SETD6: variants seen among roughly 807,000 people sequenced by gnomAD.
SETD6 encodes the protein N-lysine methyltransferase SETD6.
Under a neutral mutation model 52.7 loss-of-function variants are expected in SETD6, and 67 were observed. The observed-to-expected ratio is 1.27, with a 90% CI of 1.04 to 1.56. The LOEUF is 1.56. SETD6 is among the 40% of genes most tolerant of loss of function. The pLI is 0.00. For synonymous variants in SETD6, 307 were observed against 250.2 expected (o/e 1.23, Z -2.14); for missense variants, 712 against 607.5 (o/e 1.17, Z -1.81).
chr16:58,516,185 A>G lies in SETD6; in HGVS notation c.335-17A>G, dbSNP rs766858636. ...CGCGAGGCCGCGCCGGGGCGCTCAC[A>G]CCTGTGTCTTCCTCAGAGCGAGTTG... On this transcript the variant is annotated splice_polypyrimidine_tract_variant and intron_variant, in intron 2 of 7. Coordinates refer to ENST00000219315, the MANE Select transcript of SETD6 (RefSeq NM_001160305.4). 1.9e-6 allele frequency: 3 copies of G among 1,547,892 alleles called. No homozygotes were observed. Among genetic ancestry groups the G allele is most frequent in the South Asian group, 1.2e-5 (1 of 84,946 alleles).
chr16:58,515,915 G>T lies in SETD6; in HGVS notation c.152G>T (p.Gly51Val). The T allele has an allele frequency of 6.7e-7, 1 of 1,503,020 alleles. No individual in the cohort carries two copies. 93.1% of individuals were successfully genotyped at this position (1,503,020 alleles called of 1,614,324 possible). Reference protein sequence around the residue: ...SERAGGRRTRGGARAALTSPP... With the variant: ...SERAGGRRTRVGARAALTSPP... ...CGAGCCGGCGGGCGGAGGACCCGCG[G>T]CGGGGCGCGGGCTGCCCTGACCAGC... is the stretch of plus-strand genomic sequence containing the variant. Residue 51 changes from glycine to valine, a missense_variant, in exon 2 of 8, where the codon GGC becomes GTC. Gly to Val is a moderately radical substitution (Grantham distance 109, BLOSUM62 -3). Coordinates refer to ENST00000219315, the MANE Select transcript of SETD6 (RefSeq NM_001160305.4).
chr16:58,516,106 G>C lies in SETD6; in HGVS notation c.334+9G>C, dbSNP rs1374303791. On this transcript the variant is annotated intron_variant, in intron 2 of 7. Coordinates refer to ENST00000219315, the MANE Select transcript of SETD6 (RefSeq NM_001160305.4). Reference sequence around the variant, plus strand: ...CGGCCTGCTGGAGCGAGGTGGGCACGGCGGCGGGCTAGGGCCCTGGGGCGG... The same window carrying C: ...CGGCCTGCTGGAGCGAGGTGGGCACCGCGGCGGGCTAGGGCCCTGGGGCGG... The C allele has an allele frequency of 3.8e-6, 5 of 1,332,636 alleles. No homozygotes were observed. Among genetic ancestry groups the C allele is most frequent in the Admixed American group, 3.4e-5 (1 of 29,146 alleles). 82.6% of individuals were successfully genotyped at this position (1,332,636 alleles called of 1,614,324 possible). A position where few individuals can be genotyped will look rare whatever the true frequency, so the allele number is the denominator to read the frequency against.
In SETD6 at chr16:58,518,891, C is replaced by A; in HGVS notation, c.1284C>A (p.Ala428=). 6.2e-7 allele frequency: 1 copy of A among 1,614,140 alleles called. No individual in the cohort carries two copies. The highest frequency in any genetic ancestry group is 8.5e-7 in the Non-Finnish European group (1 of 1,180,026). ...TTCTACTGACTTTGCAGACCTATGC[C>A]ACAGACTTAAAAACTGACCAAGGTT... ...NSVLLTLQTY[A]TDLKTDQGLL... Residue 428 remains alanine, a synonymous_variant, in exon 8 of 8, where the codon GCC becomes GCA. Transcript: ENST00000219315.
Position 58,516,858 on chromosome 16 carries a change from C to T in SETD6, c.722C>T (p.Pro241Leu), listed in dbSNP as rs745829879. 2.5e-6 allele frequency: 4 copies of T among 1,614,092 alleles called. No individual in the cohort carries two copies. The African/African-American group carries it at 5.3e-5, about 22-fold the overall frequency. Residue 241 changes from proline to leucine, a missense_variant, in exon 5 of 8, where the codon CCC becomes CTC. Pro to Leu is a moderately conservative substitution (Grantham distance 98). Transcript: ENST00000219315. Reference protein sequence around the residue: ...EEEDEKEPNSPVMVPAADILN... With the variant: ...EEEDEKEPNSLVMVPAADILN... ...GAGGATGAAAAGGAGCCCAACTCCC[C>T]CGTGATGGTGCCTGCTGCAGACATA...
rs771834540 is a variant in SETD6, at chr16:58,519,054, C to T, written c.*25C>T. The T allele has an allele frequency of 5.7e-6, 9 of 1,579,632 alleles. No homozygotes were observed. The highest frequency in any genetic ancestry group is 2.2e-5 in the East Asian group (1 of 44,638). ...GCAGTTTCCCTGTTCCCTGAAGGAACAGCAATAAGAACTTTATTCTAAGCT... is the reference window on the plus strand; with the variant it reads ...GCAGTTTCCCTGTTCCCTGAAGGAATAGCAATAAGAACTTTATTCTAAGCT... On this transcript the variant is annotated 3_prime_UTR_variant, in exon 8 of 8. Transcript: ENST00000219315.
At chr16:58,516,147 G>C (rs192307267) in intron 2 of SETD6, 50 bp downstream of exon 2, 1 of 817,078 alleles carries the variant, frequency 1.2e-6, no homozygotes, top group Non-Finnish European at 1.5e-6. Context: ...GGCGGGGCGG[G>C]GCGGGCCCGG....
rs1474771646 is a variant in SETD6 at position 58,516,532 on chromosome 16, G to T, written c.531G>T (p.Val177=). ...LLQGTGVPEA[V]EKDLANIRSE... ...AGGGCACAGGCGTACCTGAGGCCGT[G>T]GAGAAGGATTTGGCCAACATCCGCA... Residue 177 remains valine, a synonymous_variant, in exon 4 of 8, where the codon GTG becomes GTT. Transcript: ENST00000219315. 6.2e-7 allele frequency: 1 copy of T among 1,614,170 alleles called. No homozygotes were observed.
rs765621250 is a variant in SETD6, at chr16:58,518,888, T to C, written c.1281T>C (p.Tyr427=). 6.8e-6 allele frequency: 11 copies of C among 1,614,206 alleles called. No homozygotes were observed. Among genetic ancestry groups the C allele is most frequent in the Admixed American group, 3.3e-5 (2 of 60,020 alleles). ...GTGTTCTACTGACTTTGCAGACCTA[T>C]GCCACAGACTTAAAAACTGACCAAG... ...QNSVLLTLQT[Y]ATDLKTDQGL... The change falls in exon 8 of 8, where the codon TAT becomes TAC. Residue 427 remains tyrosine, a synonymous_variant. Coordinates refer to ENST00000219315, the MANE Select transcript of SETD6 (RefSeq NM_001160305.4).
Position 58,519,344 on chromosome 16 carries a change from G to A in SETD6, c.*315G>A. ...TGTTGTGTTTCAGCATTTAATAATA[G>A]ACTTTGGAGGTAGACCCCTGGTTTA... On this transcript the variant is annotated 3_prime_UTR_variant, in exon 8 of 8. Coordinates refer to ENST00000219315, the MANE Select transcript of SETD6 (RefSeq NM_001160305.4). The A allele has an allele frequency of 4.0e-6, 1 of 252,768 alleles. No individual in the cohort carries two copies. Among genetic ancestry groups the A allele is most frequent in the South Asian group, 6.4e-5 (1 of 15,726 alleles). The allele number at this position is 252,768 out of a possible 1,614,324, so 15.7% of individuals were successfully genotyped here.
chr16:58,516,651 T>A lies in SETD6; in HGVS notation c.650T>A (p.Val217Glu), dbSNP rs1274902649. 6.2e-7 allele frequency: 1 copy of A among 1,613,956 alleles called. No individual in the cohort carries two copies. Among genetic ancestry groups the A allele is most frequent in the Non-Finnish European group, 8.5e-7 (1 of 1,179,916 alleles). ...VRSLELYHQLVALVMAYSFQE... is the reference protein window; with the variant it reads ...VRSLELYHQLEALVMAYSFQE... ...TCCCTAGAACTCTACCACCAGCTGG[T>A]GGCCCTTGTGATGGCCTATAGGTCA... is the stretch of plus-strand genomic sequence containing the variant. Residue 217 changes from valine to glutamate, a missense_variant, in exon 4 of 8, where the codon GTG becomes GAG. Val to Glu is a moderately radical substitution (Grantham distance 121). Transcript: ENST00000219315.
Position 58,522,718 on chromosome 16 carries a change from A to C in SETD6, c.*3689A>C, listed in dbSNP as rs985059454. Among the ~76,000 whole-genome samples, 1 of 152,244 alleles carries C rather than the reference A, an allele frequency of 6.6e-6. No homozygotes were observed. The highest frequency in any genetic ancestry group is 2.1e-4 in the South Asian group (1 of 4,818). On this transcript the variant is annotated 3_prime_UTR_variant, in exon 8 of 8. Transcript: ENST00000219315. ...GAAAAGTCCAAGTTCCTTAACATAG[A>C]CTTCATAGGCCTGCATGATTTAGGA...
intron 5 of SETD6, chr16:58,517,374 A>G (rs2039203335): frequency 5.5e-6 from 1 of 180,214 alleles, no homozygotes; most frequent in African/African-American, 2.4e-5. Context: ...TATAAAAAGT[A>G]GCCTGAAAAG....
At chr16:58,517,714 G>T in intron 5 of SETD6, 2 of 332,684 alleles carry the variant, frequency 6.0e-6, no homozygotes, top group Non-Finnish European at 1.1e-5. Flanking sequence ...GATCTCAGGT[G>T]ATCTGCCCAC....
chr16:58,519,292 G>T lies in SETD6; in HGVS notation c.*263G>T. ...GTTCTCAGTTTTAACCAAAGCCAGTGGACATACGGTAGTAATAAGTAAGTC... is the reference window on the plus strand; with the variant it reads ...GTTCTCAGTTTTAACCAAAGCCAGTTGACATACGGTAGTAATAAGTAAGTC... On this transcript the variant is annotated 3_prime_UTR_variant, in exon 8 of 8. Transcript: ENST00000219315. 1 of 414,732 alleles carries T rather than the reference G, an allele frequency of 2.4e-6. No individual in the cohort carries two copies. Among genetic ancestry groups the T allele is most frequent in the East Asian group, 4.6e-5 (1 of 21,538 alleles). 25.7% of individuals were successfully genotyped at this position (414,732 alleles called of 1,614,324 possible). A position where few individuals can be genotyped will look rare whatever the true frequency, so the allele number is the denominator to read the frequency against.
rs762711312 is a variant in SETD6, at chr16:58,516,522, C to T, written c.521C>T (p.Pro174Leu). 4.3e-6 allele frequency: 7 copies of T among 1,614,056 alleles called. No individual in the cohort carries two copies. In the Admixed American group the frequency reaches 5.0e-5, roughly 12 times the overall value. The change falls in exon 4 of 8, where the codon CCT becomes CTT. Residue 174 changes from proline to leucine, a missense_variant. Transcript: ENST00000219315. ...TGCCTGCTCCAGGGCACAGGCGTAC[C>T]TGAGGCCGTGGAGAAGGATTTGGCC... ...RRCLLQGTGV[P>L]EAVEKDLANI...
At position 58,523,211 on chromosome 16, in the gene SETD6, C is replaced by G; in HGVS notation, c.*4182C>G. On this transcript the variant is annotated 3_prime_UTR_variant, in exon 8 of 8. Transcript: ENST00000219315. ...AGTGAGCCAAGATGGCGCCACTGTA[C>G]TGCAGACTGAGTGACAGAGCAACAC... 1.5e-6 allele frequency: 1 copy of G among 655,990 alleles called. No individual in the cohort carries two copies. Among genetic ancestry groups the G allele is most frequent in the Non-Finnish European group, 2.4e-6 (1 of 422,338 alleles). The allele number at this position is 655,990 out of a possible 1,614,324, so 40.6% of individuals were successfully genotyped here.
In SETD6 at chr16:58,516,907, C is replaced by T. The variant is rs1304979535; in HGVS notation, c.771C>T (p.Asn257=). The change falls in exon 5 of 8, where the codon AAC becomes AAT. Residue 257 remains asparagine (N), a synonymous_variant. Coordinates refer to ENST00000219315, the MANE Select transcript of SETD6 (RefSeq NM_001160305.4). Reference sequence around the variant, plus strand: ...TACTAAACCACTTAGCCAATCACAACGCCAATCTAGAATACTCTGCGGTGA... The same window carrying T: ...TACTAAACCACTTAGCCAATCACAATGCCAATCTAGAATACTCTGCGGTGA... The part of the protein sequence containing the change: ...ADILNHLANH[N]ANLEYSANCL... The T allele has an allele frequency of 6.8e-6, 11 of 1,614,066 alleles. No individual in the cohort carries two copies. Among genetic ancestry groups the T allele is most frequent in the East Asian group, 2.2e-5 (1 of 44,888 alleles).
At chr16:58,518,329 C>CT in intron 6 of SETD6, 72 bp from the exon 7 acceptor site, 1 of 1,593,232 alleles carries the variant, frequency 6.3e-7, no homozygotes, top group Non-Finnish European at 8.6e-7. Context: ...ACTTTGTAGA[C>CT]TGGGTGGCAG....
rs1259307092 is a variant in SETD6, at chr16:58,519,046, T to C, written c.*17T>C. On this transcript the variant is annotated 3_prime_UTR_variant, in exon 8 of 8. Transcript: ENST00000219315. Reference sequence around the variant, plus strand: ...ACAAGTTAGCAGTTTCCCTGTTCCCTGAAGGAACAGCAATAAGAACTTTAT... The same window carrying C: ...ACAAGTTAGCAGTTTCCCTGTTCCCCGAAGGAACAGCAATAAGAACTTTAT... 3.1e-6 allele frequency: 5 copies of C among 1,591,436 alleles called. No homozygotes were observed. The highest frequency in any genetic ancestry group is 4.3e-6 in the Non-Finnish European group (5 of 1,168,916).
Sources: allele counts gnomAD v4.1 joint callset (sites outside exome capture counted in the v4.1 genomes callset), GRCh38; gene constraint gnomAD v4.1.1; transcripts MANE v1.5; gene names NCBI Gene and HGNC (gene_info 2026-07-23, HGNC 2026-07-21).